CASZ1: variants seen among roughly 807,000 people sequenced by gnomAD.
The protein encoded by CASZ1 is zinc finger protein castor homolog 1.
Under a neutral mutation model 135.2 loss-of-function variants are expected in CASZ1, and 28 were observed. That is an observed-to-expected ratio of 0.21 (90% confidence interval 0.15 to 0.28). CASZ1 has a LOEUF of 0.28. Among genes scored for constraint, CASZ1 ranks in the 10% least tolerant of loss-of-function variants. The pLI, the probability that CASZ1 is intolerant of heterozygous loss-of-function variation, is 1.00. For missense variants in CASZ1, 2,161 were observed against 2,453.3 expected (o/e 0.88, Z 2.52); for synonymous variants, 1,068 against 1,073.4 (o/e 0.99, Z 0.10).
chr1:10,690,843 G>A (rs1307916327), intron 4 of CASZ1, among the ~76,000 whole-genome samples: 1 of 152,202 alleles, frequency 6.6e-6, no homozygotes, highest in Non-Finnish European at 1.5e-5. Context: ...AAGGGCGAAC[G>A]CCTGCTCAGA....
chr1:10,681,217 T>G (rs1638409602), intron 4 of CASZ1, among the ~76,000 whole-genome samples: 1 of 151,726 alleles, frequency 6.6e-6, no homozygotes, highest in Non-Finnish European at 1.5e-5. Flanking sequence ...TTTTTTTCCT[T>G]GAAGTCTTTT....
chr1:10,695,986 TGAG>T (rs979300898), intron 3 of CASZ1, among the ~76,000 whole-genome samples: 8 of 152,094 alleles, frequency 5.3e-5, no homozygotes, highest in Non-Finnish European at 1.2e-4. Flanking sequence ...TGCCTTCAGA[TGAG>T]GGGAGGGGAG....
intron 2 of CASZ1, among the ~76,000 whole-genome samples, chr1:10,732,004 G>A (rs1639709947): frequency 6.6e-6 from 1 of 151,928 alleles, no homozygotes; most frequent in African/African-American, 2.4e-5. Flanking sequence ...CAGTTTTAAT[G>A]TCTTAATATG....
chr1:10,779,438 C>T (rs938468027), intron 1 of CASZ1, among the ~76,000 whole-genome samples: 1 of 152,144 alleles, frequency 6.6e-6, no homozygotes, highest in Admixed American at 6.5e-5. Context: ...GTGAGCTCAG[C>T]GCCCTGCGGG....
chr1:10,746,542 C>T (rs2100545205), intron 2 of CASZ1, among the ~76,000 whole-genome samples: 1 of 152,306 alleles, frequency 6.6e-6, no homozygotes, highest in Admixed American at 6.5e-5. Context: ...GATGAGGGCC[C>T]CCTTGCCTGG....
intron 7 of CASZ1, 139 bp from the exon 8 acceptor site, chr1:10,656,875 G>T: frequency 1.6e-6 from 1 of 635,412 alleles, no homozygotes; most frequent in South Asian, 1.7e-5. Context: ...GCCCAGGCAA[G>T]TGACTGGGCC....
At position 10,639,215 on chromosome 1, in the gene CASZ1, T is replaced by TGCGGCG. The variant is rs769507455; in HGVS notation, c.5001_5006dup (p.Ala1669_Ala1670dup). 19 of 899,196 alleles carry TGCGGCG rather than the reference T, an allele frequency of 2.1e-5. No homozygotes were observed. The highest frequency in any genetic ancestry group is 1.5e-4 in the South Asian group (3 of 20,252). The allele number at this position is 899,196 out of a possible 1,614,324, so 55.7% of individuals were successfully genotyped here. A position where few individuals can be genotyped will look rare whatever the true frequency, so the allele number is the denominator to read the frequency against. The stretch of plus-strand genomic sequence containing the variant: ...CGTCCTCCTGCGAGGACTCCCCAGC[T>TGCGGCG]GCGGCGGCGGCGGCGGCGGCGCCCT... On this transcript the variant is annotated inframe_insertion, in exon 21 of 21. Coordinates refer to ENST00000377022, the MANE Select transcript of CASZ1 (RefSeq NM_001079843.3). This position sits in a 1 kb window ranked among gnomAD's most constrained non-coding sequence, Gnocchi z 4.0.
At chr1:10,690,389 C>G (rs1367283263) in intron 4 of CASZ1, among the ~76,000 whole-genome samples, 1 of 152,214 alleles carries the variant, frequency 6.6e-6, no homozygotes, top group Non-Finnish European at 1.5e-5. Flanking sequence ...TAGACACCGT[C>G]TAGAAGAAGT....
In CASZ1 at chr1:10,719,980, G is replaced by A. The variant is rs115776770; in HGVS notation, c.-76-14436C>T. Among the ~76,000 whole-genome samples, 428 of 152,356 alleles carry A rather than the reference G, an allele frequency of 2.8e-3. 1 individual carries two copies. The highest frequency in any genetic ancestry group is 1.0e-2 in the African/African-American group (415 of 41,588). ...CTCCGACAGCACCAGGGTGCGGTGT[G>A]TTTGCGCACAAAAAGAATAGTCAGC... is the stretch of plus-strand genomic sequence containing the variant. On this transcript the variant is annotated intron_variant, in intron 2 of 20. Transcript: ENST00000377022. The surrounding 1 kb of genome is among the most constrained non-coding windows in gnomAD (Gnocchi z 4.0).
At position 10,767,991 on chromosome 1, in the gene CASZ1, A is replaced by T. The variant is rs1461303260; in HGVS notation, c.-233-7134T>A. ...CCTGGGACCCCAGACTCCACCCTGG[A>T]ATCTCACAAGTGTCTTGACTGAGTC... is the stretch of plus-strand genomic sequence containing the variant. On this transcript the variant is annotated intron_variant, in intron 1 of 20. Transcript: ENST00000377022. This position sits in a 1 kb window ranked among gnomAD's most constrained non-coding sequence, Gnocchi z 4.2. Among the ~76,000 whole-genome samples, 1 of 152,258 alleles carries T rather than the reference A, an allele frequency of 6.6e-6. No individual in the cohort carries two copies. Among genetic ancestry groups the T allele is most frequent in the Non-Finnish European group, 1.5e-5 (1 of 68,010 alleles).
intron 2 of CASZ1, among the ~76,000 whole-genome samples, chr1:10,743,669 GGGC>G (rs1326735384): frequency 3.4e-5 from 5 of 146,386 alleles, no homozygotes; most frequent in Admixed American, 6.7e-5. Context: ...CAAAATGGGG[GGGC>G]GGGGTGCGGG....
chr1:10,717,090 G>C lies in CASZ1; in HGVS notation c.-76-11546C>G, dbSNP rs1036616309. On this transcript the variant is annotated intron_variant, in intron 2 of 20. Coordinates refer to ENST00000377022, the MANE Select transcript of CASZ1 (RefSeq NM_001079843.3). This position sits in a 1 kb window ranked among gnomAD's most constrained non-coding sequence, Gnocchi z 4.6. Reference sequence around the variant, plus strand: ...TGGGCTGCTGGAGGGACAGGAGCAGGAGGGACAGACGGCCAGCGAGGACAC... The same window carrying C: ...TGGGCTGCTGGAGGGACAGGAGCAGCAGGGACAGACGGCCAGCGAGGACAC... 1.3e-5 allele frequency among the ~76,000 whole-genome samples: 2 copies of C among 152,216 alleles called. No individual in the cohort carries two copies. The highest frequency in any genetic ancestry group is 2.9e-5 in the Non-Finnish European group (2 of 68,036).
chr1:10,712,577 G>A (rs1265563172), intron 2 of CASZ1, among the ~76,000 whole-genome samples: 1 of 152,072 alleles, frequency 6.6e-6, no homozygotes, highest in African/African-American at 2.4e-5. Context: ...GACTTCAAAT[G>A]GGCCCTCTTT....
intron 15 of CASZ1, 38 bp from the exon 16 acceptor site, chr1:10,648,177 T>A: frequency 7.1e-7 from 1 of 1,406,336 alleles, no homozygotes; most frequent in Non-Finnish European, 9.5e-7. Context: ...TGGGGGGCAG[T>A]GAAGACAGGT....
intron 1 of CASZ1, among the ~76,000 whole-genome samples, chr1:10,785,042 G>T (rs112892284): frequency 2.9e-4 from 40 of 138,026 alleles, no homozygotes; most frequent in African/African-American, 1.0e-3. Context: ...TTTCTTGCTT[G>T]CTTGCTTTCT....
chr1:10,676,296 C>T lies in CASZ1; in HGVS notation c.17-10725G>A, dbSNP rs1638219822. ...TCCCTCTCCCGGAAGCCCTGGGCTC[C>T]CGCTATTGTCGGCCACGTTGAGGGA... On this transcript the variant is annotated intron_variant, in intron 4 of 20. Transcript: ENST00000377022. The surrounding 1 kb of genome is among the most constrained non-coding windows in gnomAD (Gnocchi z 4.5). Among the ~76,000 whole-genome samples, 1 of 152,180 alleles carries T rather than the reference C, an allele frequency of 6.6e-6. No homozygotes were observed. Among genetic ancestry groups the T allele is most frequent in the African/African-American group, 2.4e-5 (1 of 41,450 alleles).
In CASZ1 at chr1:10,657,043, C is replaced by T. The variant is rs1311418047; in HGVS notation, c.1410-307G>A. Among the ~76,000 whole-genome samples, 3 of 152,186 alleles carry T rather than the reference C, an allele frequency of 2.0e-5. No homozygotes were observed. Among genetic ancestry groups the T allele is most frequent in the Non-Finnish European group, 4.4e-5 (3 of 68,010 alleles). On this transcript the variant is annotated intron_variant, in intron 7 of 20. Coordinates refer to ENST00000377022, the MANE Select transcript of CASZ1 (RefSeq NM_001079843.3). The surrounding 1 kb of genome is among the most constrained non-coding windows in gnomAD (Gnocchi z 5.7). Reference sequence around the variant, plus strand: ...GGCGCCCCCTCGGCTGCCCACCTGTCTTTTCTGCAGGGGCTACCTGCCCCA... The same window carrying T: ...GGCGCCCCCTCGGCTGCCCACCTGTTTTTTCTGCAGGGGCTACCTGCCCCA...
At chr1:10,677,970 C>A (rs1251277446) in intron 4 of CASZ1, among the ~76,000 whole-genome samples, 4 of 152,178 alleles carry the variant, frequency 2.6e-5, no homozygotes, top group Non-Finnish European at 4.4e-5. Context: ...CCTGGCTGAC[C>A]CACCGGAAAT....
rs1370533533 is a variant in CASZ1 at position 10,724,197 on chromosome 1, A to C, written c.-76-18653T>G. 6.6e-6 allele frequency among the ~76,000 whole-genome samples: 1 copy of C among 152,192 alleles called. No homozygotes were observed. The highest frequency in any genetic ancestry group is 2.4e-5 in the African/African-American group (1 of 41,442). ...CCCAGCACACGATCCACAGGGTGAG[A>C]GCAAAGGCCACGTGGTCAGAGCCGG... On this transcript the variant is annotated intron_variant, in intron 2 of 20. Transcript: ENST00000377022. This position sits in a 1 kb window ranked among gnomAD's most constrained non-coding sequence, Gnocchi z 4.1.
Sources: allele counts gnomAD v4.1 joint callset (sites outside exome capture counted in the v4.1 genomes callset), GRCh38; gene constraint gnomAD v4.1.1; non-coding constraint Gnocchi (gnomAD v3.1); transcripts MANE v1.5; gene names NCBI Gene and HGNC (gene_info 2026-07-23, HGNC 2026-07-21).